Variants in LTBP1 observed in about 807,000 individuals in gnomAD.
The protein encoded by LTBP1 is latent transforming growth factor beta binding protein 1, also known as latent-transforming growth factor beta-binding protein 1.
In LTBP1, 129 loss-of-function variants were observed where a neutral mutation model predicts 207.6. The observed-to-expected ratio is 0.62, with a 90% confidence interval of 0.54 to 0.72. The LOEUF (loss-of-function observed/expected upper bound fraction) is 0.72, where lower values mean the gene tolerates loss of function less well. Among genes scored for constraint, LTBP1 ranks in the 30% least tolerant of loss-of-function variants. LTBP1 has a pLI of 0.00. For synonymous variants in LTBP1, 963 were observed against 833.7 expected, an observed-to-expected ratio of 1.16 and a Z score of -2.67; for missense variants, 2,281 against 2,217.2, an observed-to-expected ratio of 1.03 and a Z score of -0.58.
intron 12 of LTBP1, 75 bp from the exon 13 acceptor site, chr2:33,259,513 T>C: frequency 9.3e-7 from 1 of 1,077,644 alleles, no homozygotes; most frequent in South Asian, 1.7e-5. Context: ...ACTTCTATTG[T>C]TTTTTAAGAA....
At position 33,349,933 on chromosome 2, in the gene LTBP1, T is replaced by C. The variant is rs183686487; in HGVS notation, c.4000+2423T>C. On this transcript the variant is annotated intron_variant, in intron 26 of 33. Transcript: ENST00000404816. ...GTGTGGACCTCTGCAAGAATAGCCG[T>C]CTGGCTCTGAGCATTCTCCCTTCCA... Among the ~76,000 whole-genome samples, 238 of 152,286 alleles carry C rather than the reference T, an allele frequency of 1.6e-3. 1 individual carries two copies. The highest frequency in any genetic ancestry group is 5.6e-3 in the African/African-American group (232 of 41,552).
chr2:33,244,159 G>A lies in LTBP1; in HGVS notation c.1999+375G>A, dbSNP rs1032398128. On this transcript the variant is annotated intron_variant, in intron 10 of 33. Transcript: ENST00000404816. ...AATACGGTATTTTAAGCATTCTTTA[G>A]GTTGAATTGAACTGTGTCCCAGCTT... Among the ~76,000 whole-genome samples the A allele has an allele frequency of 5.9e-5, 9 of 152,244 alleles. No individual in the cohort carries two copies. The South Asian group carries it at 1.7e-3, about 28-fold the overall frequency.
chr2:33,372,486 G>A (rs2095081412), intron 31 of LTBP1, among the ~76,000 whole-genome samples: 1 of 152,192 alleles, frequency 6.6e-6, no homozygotes, highest in Admixed American at 6.5e-5. Flanking sequence ...ACTAAAGCAA[G>A]TCAATAATTC....
intron 3 of LTBP1, among the ~76,000 whole-genome samples, chr2:33,087,694 CT>C (rs1172904082): frequency 6.6e-6 from 1 of 152,192 alleles, no homozygotes; most frequent in Non-Finnish European, 1.5e-5. Context: ...TTTCAGAAAG[CT>C]GACCAGAAAT....
At chr2:33,367,441 G>T in intron 31 of LTBP1, among the ~76,000 whole-genome samples, 1 of 151,950 alleles carries the variant, frequency 6.6e-6, no homozygotes, top group Non-Finnish European at 1.5e-5. Context: ...TGTTTTTTGT[G>T]TACCCTTAAC....
intron 18 of LTBP1, among the ~76,000 whole-genome samples, chr2:33,279,203 C>T (rs992334490): frequency 3.9e-5 from 6 of 152,172 alleles, no homozygotes; most frequent in Non-Finnish European, 7.3e-5. Flanking sequence ...ATTTCAAATG[C>T]AGCTAGAAGC....
chr2:33,081,027 C>T (rs219092), intron 3 of LTBP1, among the ~76,000 whole-genome samples: 114,659 of 152,062 alleles, frequency 0.75, 45,433 homozygotes, highest in East Asian at 0.98. Flanking sequence ...AGGGAAACCT[C>T]TATATTTTAT....
At chr2:33,196,316 G>A (rs900763558) in intron 7 of LTBP1, among the ~76,000 whole-genome samples, 2 of 151,984 alleles carry the variant, frequency 1.3e-5, no homozygotes, top group Admixed American at 6.6e-5. Flanking sequence ...AAAGAAGGGG[G>A]AAAATATTAA....
chr2:33,132,531 A>G (rs1327883504), intron 4 of LTBP1, among the ~76,000 whole-genome samples: 1 of 152,166 alleles, frequency 6.6e-6, no homozygotes, highest in Non-Finnish European at 1.5e-5. Flanking sequence ...TACAATCCTA[A>G]TATAGTTACA....
chr2:33,120,274 T>G (rs914550056), intron 4 of LTBP1, among the ~76,000 whole-genome samples: 1 of 151,206 alleles, frequency 6.6e-6, no homozygotes, highest in Admixed American at 6.6e-5. Context: ...TTGTACAGAT[T>G]ATTTCATCAC....
At chr2:32,961,768 A>G (rs1679151836) in intron 2 of LTBP1, among the ~76,000 whole-genome samples, 1 of 152,102 alleles carries the variant, frequency 6.6e-6, no homozygotes, top group South Asian at 2.1e-4. Context: ...CAACATAGTG[A>G]AACCCCGTCT....
chr2:33,382,561 A>T (rs1236393788), intron 31 of LTBP1, among the ~76,000 whole-genome samples: 1 of 152,138 alleles, frequency 6.6e-6, no homozygotes, highest in African/African-American at 2.4e-5. Context: ...TGTGATCCTG[A>T]TAAGTTATTG....
At chr2:33,021,968 G>A (rs1469929235) in intron 3 of LTBP1, among the ~76,000 whole-genome samples, 1 of 152,176 alleles carries the variant, frequency 6.6e-6, no homozygotes, top group Non-Finnish European at 1.5e-5. Context: ...GATGCAGAAT[G>A]TACTGCAACT....
rs148975600 is a variant in LTBP1, at chr2:33,289,984, G to A, written c.3113-3176G>A. On this transcript the variant is annotated intron_variant, in intron 19 of 33. Coordinates refer to ENST00000404816, the MANE Select transcript of LTBP1 (RefSeq NM_206943.4). ...ACTAGGTCATTTATGAAGAAGAGAG[G>A]TTTATTGATTTAGCTCATGGTTCTG... Among the ~76,000 whole-genome samples, 26 of 152,262 alleles carry A rather than the reference G, an allele frequency of 1.7e-4. No individual in the cohort carries two copies. The East Asian group carries it at 3.5e-3, about 20-fold the overall frequency.
At chr2:33,094,547 T>TA (rs1415067469) in intron 3 of LTBP1, among the ~76,000 whole-genome samples, 1 of 152,214 alleles carries the variant, frequency 6.6e-6, no homozygotes, top group African/African-American at 2.4e-5. Flanking sequence ...TCGGTGAAGT[T>TA]ACAACTGGCC....
intron 20 of LTBP1, among the ~76,000 whole-genome samples, chr2:33,297,567 G>A (rs1483020464): frequency 6.6e-6 from 1 of 151,982 alleles, no homozygotes. Flanking sequence ...GGGCAGCTGG[G>A]ACTACAGGCA....
At chr2:33,357,467 G>A (rs1311606191) in intron 26 of LTBP1, among the ~76,000 whole-genome samples, 1 of 152,132 alleles carries the variant, frequency 6.6e-6, no homozygotes, top group Admixed American at 6.5e-5. Context: ...AAGGGTTTTG[G>A]GGAAAGTAGT....
intron 5 of LTBP1, among the ~76,000 whole-genome samples, chr2:33,179,016 C>T (rs796467822): frequency 2.0e-5 from 3 of 151,996 alleles, no homozygotes; most frequent in African/African-American, 2.4e-5. Context: ...GCTGGGATTT[C>T]GGGCATGAGC....
At position 33,389,175 on chromosome 2, in the gene LTBP1, A is replaced by G. The variant is rs774787170; in HGVS notation, c.4712-9A>G. 9.3e-6 allele frequency: 15 copies of G among 1,613,198 alleles called. No homozygotes were observed. In the South Asian group the frequency reaches 1.4e-4, roughly 15 times the overall value. ...TGGTGGGGCCTCATGCTGCTTGTCT[A>G]CTCCTTAGATGACTATGCTCAGCTG... On this transcript the variant is annotated splice_polypyrimidine_tract_variant and intron_variant, in intron 31 of 33. Coordinates refer to ENST00000404816, the MANE Select transcript of LTBP1 (RefSeq NM_206943.4).
Sources: allele counts gnomAD v4.1 joint callset (sites outside exome capture counted in the v4.1 genomes callset), GRCh38; gene constraint gnomAD v4.1.1; transcripts MANE v1.5; gene names NCBI Gene and HGNC (gene_info 2026-07-23, HGNC 2026-07-21).